Variants in RASGRP1 observed in about 807,000 individuals in gnomAD.
The protein encoded by RASGRP1 is RAS guanyl releasing protein 1.
A neutral mutation model predicts 95.1 loss-of-function variants in RASGRP1; 37 were observed. The ratio of observed to expected loss-of-function variants is 0.39; its 90% CI spans 0.30 to 0.51. The LOEUF (loss-of-function observed/expected upper bound fraction) is 0.51, where lower values mean the gene tolerates loss of function less well. Among genes scored for constraint, RASGRP1 ranks in the 20% least tolerant of loss-of-function variants. The pLI is 0.80. For synonymous variants in RASGRP1, 325 were observed against 353.4 expected, an observed-to-expected ratio of 0.92 and a Z score of 0.90; for missense variants, 711 against 965.4, an observed-to-expected ratio of 0.74 and a Z score of 3.49.
chr15:38,545,058 T>C (rs1381583523), intron 2 of RASGRP1, among the ~76,000 whole-genome samples: 2 of 152,234 alleles, frequency 1.3e-5, no homozygotes, highest in Non-Finnish European at 2.9e-5. Context: ...TAAATTTGTT[T>C]ACCCTTTATA....
At chr15:38,491,142 T>G (rs1045936500) in intron 16 of RASGRP1, among the ~76,000 whole-genome samples, 1 of 152,170 alleles carries the variant, frequency 6.6e-6, no homozygotes, top group Admixed American at 6.5e-5. Flanking sequence ...TGTTAAGAAT[T>G]TCACCCCACC....
chr15:38,519,207 A>G (rs1891902293), intron 4 of RASGRP1, 102 bp downstream of exon 4: 1 of 897,748 alleles, frequency 1.1e-6, no homozygotes, highest in African/African-American at 1.7e-5. Context: ...CCATCTGTCC[A>G]AAGGTGTTCT....
chr15:38,561,753 T>C (rs1234191759), intron 1 of RASGRP1, among the ~76,000 whole-genome samples: 1 of 152,212 alleles, frequency 6.6e-6, no homozygotes, highest in East Asian at 1.9e-4. Context: ...CAACAATTGG[T>C]TATTGGGCAT....
chr15:38,560,725 T>A (rs945042069), intron 1 of RASGRP1, among the ~76,000 whole-genome samples: 1 of 152,204 alleles, frequency 6.6e-6, no homozygotes, highest in Non-Finnish European at 1.5e-5. Flanking sequence ...CCATTATGAG[T>A]CATTTTTGTT....
chr15:38,564,364 G>C (rs1002224709), intron 1 of RASGRP1, among the ~76,000 whole-genome samples: 2 of 152,088 alleles, frequency 1.3e-5, no homozygotes, highest in African/African-American at 4.8e-5. Flanking sequence ...CTCTGGCCTC[G>C]CGGCCGCCCC....
intron 2 of RASGRP1, among the ~76,000 whole-genome samples, chr15:38,527,978 T>TA (rs1892292913): frequency 6.6e-6 from 1 of 152,082 alleles, no homozygotes; most frequent in Non-Finnish European, 1.5e-5. Context: ...GTGTATATAT[T>TA]AAAATGTATA....
intron 14 of RASGRP1, chr15:38,499,213 T>G: frequency 1.7e-6 from 1 of 591,848 alleles, no homozygotes; most frequent in Non-Finnish European, 3.1e-6. Context: ...TGTCCTGGTA[T>G]CCCATACATT....
chr15:38,555,613 A>G (rs1893524662), intron 2 of RASGRP1, among the ~76,000 whole-genome samples: 1 of 152,196 alleles, frequency 6.6e-6, no homozygotes. Context: ...CACAAGGCAA[A>G]TTCTTTCAGT....
intron 16 of RASGRP1, 96 bp from the exon 17 acceptor site, chr15:38,490,784 C>A: frequency 7.7e-7 from 1 of 1,292,142 alleles, no homozygotes; most frequent in Non-Finnish European, 1.1e-6. Context: ...ATTTCCTATT[C>A]ACTGTGGCTG....
At chr15:38,522,932 G>C (rs990683115) in intron 3 of RASGRP1, among the ~76,000 whole-genome samples, 2 of 152,156 alleles carry the variant, frequency 1.3e-5, no homozygotes, top group African/African-American at 2.4e-5. Context: ...ACCATGAGAC[G>C]GGGTAGGCGG....
At chr15:38,554,366 A>G (rs1389130049) in intron 2 of RASGRP1, among the ~76,000 whole-genome samples, 9 of 152,204 alleles carry the variant, frequency 5.9e-5, no homozygotes. Context: ...AGAGTCCACA[A>G]TAAGTGTTAA....
chr15:38,500,727 GAGA>G (rs1890980747), intron 13 of RASGRP1, among the ~76,000 whole-genome samples: 1 of 152,136 alleles, frequency 6.6e-6, no homozygotes, highest in East Asian at 1.9e-4. Context: ...ACTCCAAACT[GAGA>G]AGGATATAGA....
chr15:38,545,481 A>C (rs1893070904), intron 2 of RASGRP1, among the ~76,000 whole-genome samples: 1 of 151,870 alleles, frequency 6.6e-6, no homozygotes. Context: ...GGCCACAGTC[A>C]ATTCATTCAA....
chr15:38,556,475 C>CTT (rs1295744163), intron 2 of RASGRP1, among the ~76,000 whole-genome samples: 1 of 152,242 alleles, frequency 6.6e-6, no homozygotes, highest in East Asian at 1.9e-4. Context: ...GCCCACGATG[C>CTT]TTTAAGCAAT....
chr15:38,526,388 C>T lies in RASGRP1; in HGVS notation c.237G>A (p.Leu79=). 6.2e-7 allele frequency: 1 copy of T among 1,613,034 alleles called. No homozygotes were observed. Among genetic ancestry groups the T allele is most frequent in the Non-Finnish European group, 8.5e-7 (1 of 1,179,280 alleles). ...CTTGCAACAGTTGGTTACTTCGACA[C>T]AGGTTTCCATCTGCATCTGAAAATA... ...CIQSFDADGN[L]CRSNQLLQVM... The change falls in exon 3 of 17, where the codon CTG becomes CTA. Residue 79 remains leucine (L), a synonymous_variant. Transcript: ENST00000310803.
At chr15:38,532,256 A>AT (rs1199596628) in intron 2 of RASGRP1, among the ~76,000 whole-genome samples, 1 of 152,166 alleles carries the variant, frequency 6.6e-6, no homozygotes, top group African/African-American at 2.4e-5. Context: ...AAATGTGCGT[A>AT]TTTTTTCATT....
chr15:38,562,803 TA>T (rs1893865927), intron 1 of RASGRP1, among the ~76,000 whole-genome samples: 1 of 152,170 alleles, frequency 6.6e-6, no homozygotes, highest in South Asian at 2.1e-4. Context: ...TCAAGACTCC[TA>T]ATCCTGCCCT....
intron 3 of RASGRP1, among the ~76,000 whole-genome samples, 182 bp downstream of exon 3, chr15:38,526,117 C>T (rs1297038126): frequency 6.6e-6 from 1 of 152,094 alleles, no homozygotes; most frequent in Non-Finnish European, 1.5e-5. Flanking sequence ...CATTGCCCCA[C>T]CCAACAGAGG....
intron 3 of RASGRP1, among the ~76,000 whole-genome samples, chr15:38,523,752 A>G (rs7165274): frequency 0.18 from 27,220 of 152,056 alleles, 2,487 homozygotes; most frequent in Middle Eastern, 0.22. Context: ...CTATGTTTAG[A>G]TATATAAATA....
Sources: allele counts gnomAD v4.1 joint callset (sites outside exome capture counted in the v4.1 genomes callset), GRCh38; gene constraint gnomAD v4.1.1; transcripts MANE v1.5; gene names NCBI Gene and HGNC (gene_info 2026-07-23, HGNC 2026-07-21).